KIAA1671: variants seen among roughly 807,000 people sequenced by gnomAD.
KIAA1671 encodes KIAA1671.
Under a neutral mutation model 131.2 loss-of-function variants are expected in KIAA1671, and 52 were observed. That is an observed-to-expected ratio of 0.40 (90% CI 0.32 to 0.50). The LOEUF (loss-of-function observed/expected upper bound fraction) is 0.50, where lower values mean the gene tolerates loss of function less well. Ranked by LOEUF, KIAA1671 falls within the 20% of genes least tolerant of loss-of-function variation. The pLI, the probability that KIAA1671 is intolerant of heterozygous loss-of-function variation, is 0.73. For synonymous variants in KIAA1671, 1,003 were observed against 961.6 expected, an observed-to-expected ratio of 1.04 and a Z score of -0.80; for missense variants, 2,360 against 2,364.2, an observed-to-expected ratio of 1.00 and a Z score of 0.04.
intron 6 of KIAA1671, among the ~76,000 whole-genome samples, chr22:25,082,547 T>A (rs190789008): frequency 2.8e-4 from 42 of 152,326 alleles, no homozygotes; most frequent in African/African-American, 9.1e-4. Flanking sequence ...GAAAACCTGA[T>A]GTTGGCCAGG....
At chr22:25,157,680 CT>C (rs1933288974) in intron 6 of KIAA1671, among the ~76,000 whole-genome samples, 1 of 152,126 alleles carries the variant, frequency 6.6e-6, no homozygotes, top group South Asian at 2.1e-4. Flanking sequence ...TTCTGTGCCC[CT>C]CCCCTCTCCC....
chr22:24,996,853 G>T (rs1348957891), intron 1 of KIAA1671, among the ~76,000 whole-genome samples: 2 of 152,184 alleles, frequency 1.3e-5, no homozygotes, highest in African/African-American at 4.8e-5. Context: ...ATAGCAGCTG[G>T]GGGATGGGTG....
chr22:24,970,737 A>AG (rs975546334), intron 1 of KIAA1671, among the ~76,000 whole-genome samples: 3 of 151,418 alleles, frequency 2.0e-5, no homozygotes, highest in Admixed American at 6.6e-5. Context: ...AGCTAAAAAA[A>AG]AAAACAAAAC....
At position 25,184,996 on chromosome 22, in the gene KIAA1671, C is replaced by T. The variant is rs1160677031; in HGVS notation, c.5219C>T (p.Pro1740Leu). 2 of 1,551,462 alleles carry T rather than the reference C, an allele frequency of 1.3e-6. No individual in the cohort carries two copies. Among genetic ancestry groups the T allele is most frequent in the African/African-American group, 1.4e-5 (1 of 73,018 alleles). Residue 1740 changes from proline to leucine, a missense_variant, in exon 11 of 13, where the codon CCA (proline) becomes CTA (leucine). By Grantham distance (98) the Pro-to-Leu change is moderately conservative. Coordinates refer to ENST00000358431, the MANE Select transcript of KIAA1671 (RefSeq NM_001145206.2). Reference protein sequence around the residue: ...AVLKAQLHKRPEVDSPGETPS... With the variant: ...AVLKAQLHKRLEVDSPGETPS... Reference sequence around the variant, plus strand: ...CCCCAGGCTCAGCTGCACAAGAGGCCAGAGGTGGACAGTCCTGGCGAGACC... The same window carrying T: ...CCCCAGGCTCAGCTGCACAAGAGGCTAGAGGTGGACAGTCCTGGCGAGACC...
chr22:25,136,542 T>G (rs1932683360), intron 6 of KIAA1671, among the ~76,000 whole-genome samples: 1 of 152,194 alleles, frequency 6.6e-6, no homozygotes, highest in African/African-American at 2.4e-5. Flanking sequence ...TTCTGGGCAG[T>G]ACCCTGCTGG....
At chr22:25,152,103 G>A (rs1336835778) in intron 6 of KIAA1671, among the ~76,000 whole-genome samples, 1 of 152,134 alleles carries the variant, frequency 6.6e-6, no homozygotes, top group Non-Finnish European at 1.5e-5. Flanking sequence ...CAGTAGCTGC[G>A]CTATATTCTA....
intron 1 of KIAA1671, among the ~76,000 whole-genome samples, chr22:24,996,756 C>G (rs936743364): frequency 6.6e-6 from 1 of 152,118 alleles, no homozygotes; most frequent in Non-Finnish European, 1.5e-5. Context: ...GAGGGATTTA[C>G]CAGGAGGGGT....
chr22:25,141,334 G>T (rs978465394), intron 6 of KIAA1671, among the ~76,000 whole-genome samples: 12 of 152,066 alleles, frequency 7.9e-5, no homozygotes, highest in African/African-American at 2.9e-4. Context: ...CTGGGTTCAC[G>T]CCATTCTCCT....
chr22:25,182,313 T>G (rs1934318192), intron 10 of KIAA1671, among the ~76,000 whole-genome samples: 1 of 147,534 alleles, frequency 6.8e-6, no homozygotes, highest in South Asian at 2.3e-4. Flanking sequence ...CTCCCTCCCT[T>G]TCTCCTTCCT....
intron 9 of KIAA1671, among the ~76,000 whole-genome samples, chr22:25,178,428 C>A (rs1934119842): frequency 6.6e-6 from 1 of 152,244 alleles, no homozygotes; most frequent in East Asian, 1.9e-4. Context: ...GCCACTTCCA[C>A]CAGGGCAGAG....
intron 6 of KIAA1671, chr22:25,060,802 A>G (rs1928116574): frequency 6.7e-6 from 1 of 149,856 alleles, no homozygotes; most frequent in African/African-American, 2.5e-5. Flanking sequence ...ACAAGAGGGT[A>G]GGATGGAGAC....
chr22:25,170,408 T>C (rs777331935), intron 6 of KIAA1671, among the ~76,000 whole-genome samples: 1 of 152,132 alleles, frequency 6.6e-6, no homozygotes, highest in African/African-American at 2.4e-5. Flanking sequence ...ACGGTGGTGG[T>C]AGGAACCTGG....
chr22:25,057,102 G>C (rs1927881360), intron 6 of KIAA1671: 1 of 152,334 alleles, frequency 6.6e-6, no homozygotes, highest in Non-Finnish European at 1.5e-5. Context: ...GCCCATTTAA[G>C]AGATTCTGAA....
chr22:25,112,386 G>A, intron 6 of KIAA1671: 1 of 399,082 alleles, frequency 2.5e-6, no homozygotes, highest in Non-Finnish European at 4.4e-6. Context: ...GAATCCTTCC[G>A]CCGCTTCTCT....
intron 4 of KIAA1671, among the ~76,000 whole-genome samples, chr22:25,037,364 G>A (rs1385216105): frequency 6.6e-6 from 1 of 151,678 alleles, no homozygotes; most frequent in Non-Finnish European, 1.5e-5. Flanking sequence ...AAATATATAT[G>A]TGTATATATG....
intron 7 of KIAA1671, among the ~76,000 whole-genome samples, chr22:25,173,939 C>G (rs995688580): frequency 2.0e-5 from 3 of 152,172 alleles, no homozygotes; most frequent in Non-Finnish European, 4.4e-5. Context: ...GACCCAACAA[C>G]CACCTGTGAT....
At chr22:25,108,295 C>A (rs1487496844) in intron 6 of KIAA1671, among the ~76,000 whole-genome samples, 1 of 152,192 alleles carries the variant, frequency 6.6e-6, no homozygotes, top group South Asian at 2.1e-4. Flanking sequence ...TCCAGATGGT[C>A]TGTTAAAAAG....
intron 1 of KIAA1671, among the ~76,000 whole-genome samples, chr22:24,978,628 C>T (rs12165770): frequency 0.022 from 3,376 of 152,204 alleles, 108 homozygotes; most frequent in East Asian, 0.073. Flanking sequence ...GTTTTAAAAA[C>T]CCCACTTTTA....
Position 25,039,475 on chromosome 22 carries a change from T to C in KIAA1671, c.2345T>C (p.Leu782Pro). 1 of 1,551,792 alleles carries C rather than the reference T, an allele frequency of 6.4e-7. No homozygotes were observed. Among genetic ancestry groups the C allele is most frequent in the Non-Finnish European group, 8.7e-7 (1 of 1,147,016 alleles). ...QLSQEVTPAD[L>P]ECGLEGQAGS... Reference sequence around the variant, plus strand: ...TCCCAGGAGGTCACCCCTGCTGACCTGGAGTGTGGTTTGGAAGGTCAGGCG... The same window carrying C: ...TCCCAGGAGGTCACCCCTGCTGACCCGGAGTGTGGTTTGGAAGGTCAGGCG... Residue 782 changes from leucine to proline, a missense_variant, in exon 5 of 13, where the codon CTG becomes CCG. Physicochemically the swap from Leu to Pro is moderately conservative, Grantham distance 98. Around this residue, in one of 3 missense-constraint regions of KIAA1671, gnomAD observed 1,185 missense variants for 1,126.2 expected, o/e 1.05. Coordinates refer to ENST00000358431, the MANE Select transcript of KIAA1671 (RefSeq NM_001145206.2).
Sources: allele counts gnomAD v4.1 joint callset (sites outside exome capture counted in the v4.1 genomes callset), GRCh38; gene constraint gnomAD v4.1.1; regional missense constraint gnomAD v4.1.1; transcripts MANE v1.5; gene names NCBI Gene and HGNC (gene_info 2026-07-23, HGNC 2026-07-21).